Variants in SLC7A11 observed in about 807,000 individuals in gnomAD.
SLC7A11 encodes the protein cystine/glutamate transporter.
Under a neutral mutation model 54.5 loss-of-function variants are expected in SLC7A11, and 35 were observed. That is an observed-to-expected ratio of 0.64 (90% CI 0.49 to 0.85). SLC7A11 has a LOEUF of 0.85. Ranked by LOEUF, SLC7A11 falls within the 40% of genes least tolerant of loss-of-function variation. The pLI is 0.00. For missense variants in SLC7A11, 583 were observed against 618.1 expected, an observed-to-expected ratio of 0.94 and a Z score of 0.60; for synonymous variants, 230 against 225.2, an observed-to-expected ratio of 1.02 and a Z score of -0.19.
intron 4 of SLC7A11, among the ~76,000 whole-genome samples, chr4:138,222,721 G>A (rs1055249782): frequency 6.6e-6 from 1 of 152,044 alleles, no homozygotes; most frequent in African/African-American, 2.4e-5. Context: ...TGCTGTTCCC[G>A]TATTGACTCC....
chr4:138,167,063 T>G lies in SLC7A11; in HGVS notation c.*4893A>C, dbSNP rs1476873843. On this transcript the variant is annotated 3_prime_UTR_variant, in exon 12 of 12. Coordinates refer to ENST00000280612, the MANE Select transcript of SLC7A11 (RefSeq NM_014331.4). ...ATAATTATCTCCCAAAATTGACTAT[T>G]AAAAAATAATTTTTAAGTACAGTAC... The G allele has an allele frequency of 6.7e-6, 1 of 150,138 alleles. No individual in the cohort carries two copies. The highest frequency in any genetic ancestry group is 1.5e-5 in the Non-Finnish European group (1 of 67,740). The allele number at this position is 150,138 out of a possible 1,614,324, so 9.3% of individuals were successfully genotyped here.
At chr4:138,190,093 T>C (rs1289151293) in intron 6 of SLC7A11, among the ~76,000 whole-genome samples, 2 of 152,180 alleles carry the variant, frequency 1.3e-5, no homozygotes, top group Non-Finnish European at 2.9e-5. Context: ...TCCCGGGGCA[T>C]CTAAGCTTGT....
chr4:138,227,824 C>T (rs777199798), intron 3 of SLC7A11, among the ~76,000 whole-genome samples: 2 of 152,040 alleles, frequency 1.3e-5, no homozygotes, highest in African/African-American at 2.4e-5. Context: ...TTTGTTTCCA[C>T]ATTTTGCATG....
chr4:138,172,387 C>A (rs967976356), intron 11 of SLC7A11, among the ~76,000 whole-genome samples: 1 of 152,192 alleles, frequency 6.6e-6, no homozygotes, highest in East Asian at 1.9e-4. Flanking sequence ...TATGAGATTA[C>A]AATCAGTTCC....
chr4:138,187,369 G>A (rs994202574), intron 6 of SLC7A11, among the ~76,000 whole-genome samples: 3 of 152,194 alleles, frequency 2.0e-5, no homozygotes, highest in Middle Eastern at 3.4e-3. Flanking sequence ...CTTTACATAC[G>A]TGTCTCCTTT....
At chr4:138,215,265 A>G (rs1034245104) in intron 5 of SLC7A11, among the ~76,000 whole-genome samples, 2 of 152,150 alleles carry the variant, frequency 1.3e-5, no homozygotes, top group Non-Finnish European at 2.9e-5. Context: ...ATTCAATATA[A>G]TCTTCCATTA....
intron 6 of SLC7A11, among the ~76,000 whole-genome samples, chr4:138,198,602 T>C (rs1194686873): frequency 2.0e-5 from 3 of 152,190 alleles, no homozygotes; most frequent in African/African-American, 7.2e-5. Flanking sequence ...GAAATTAATA[T>C]ATCCACTTTG....
At chr4:138,200,784 A>T (rs1224303182) in intron 6 of SLC7A11, among the ~76,000 whole-genome samples, 1 of 152,164 alleles carries the variant, frequency 6.6e-6, no homozygotes, top group Non-Finnish European at 1.5e-5. Flanking sequence ...GGTCAAATTA[A>T]TTGTGGTTTT....
At chr4:138,182,969 T>C (rs1406547330) in intron 8 of SLC7A11, among the ~76,000 whole-genome samples, 1 of 152,106 alleles carries the variant, frequency 6.6e-6, no homozygotes, top group East Asian at 1.9e-4. Flanking sequence ...GGAAATACTA[T>C]TTTTAAAAAA....
At position 138,219,340 on chromosome 4, in the gene SLC7A11, G is replaced by T. The variant is rs6838248; in HGVS notation, c.672C>A (p.Ala224=). The change falls in exon 5 of 12, where the codon GCC becomes GCA. Residue 224 remains alanine (A), a synonymous_variant. Transcript: ENST00000280612. ...TAATACTTGAATCTCTTCCTGAAAA[G>T]GCGTCTTTAAAGTTCTGCGTTTGAC... is the stretch of plus-strand genomic sequence containing the variant. ...IKGQTQNFKD[A]FSGRDSSITR... 1.8e-5 allele frequency: 29 copies of T among 1,605,314 alleles called. 1 individual carries two copies. The South Asian group carries it at 2.4e-4, about 13-fold the overall frequency.
In SLC7A11 at chr4:138,223,289, A is replaced by C; in HGVS notation, c.556T>G (p.Trp186Gly). The C allele has an allele frequency of 6.2e-7, 1 of 1,613,724 alleles. No homozygotes were observed. The highest frequency in any genetic ancestry group is 1.1e-5 in the South Asian group (1 of 91,078). ...AAGAAAATCTGGATCCGGGCGCTCC[A>C]GCTGACACTCATGCTATTTAGGACC... ...VMVLNSMSVS[W>G]SARIQIFLTF... Residue 186 changes from tryptophan (W) to glycine (G), a missense_variant, in exon 4 of 12, where the codon TGG becomes GGG. Trp to Gly is a radical substitution (Grantham distance 184). Coordinates refer to ENST00000280612, the MANE Select transcript of SLC7A11 (RefSeq NM_014331.4).
At chr4:138,218,335 A>G (rs77138059) in intron 5 of SLC7A11, among the ~76,000 whole-genome samples, 4 of 152,324 alleles carry the variant, frequency 2.6e-5, no homozygotes, top group South Asian at 2.1e-4. Flanking sequence ...CTGTATAACA[A>G]TGAGATTTAT....
At chr4:138,241,250 C>T (rs1738370275) in intron 1 of SLC7A11, among the ~76,000 whole-genome samples, 1 of 152,160 alleles carries the variant, frequency 6.6e-6, no homozygotes, top group Non-Finnish European at 1.5e-5. Context: ...TACATCTCTC[C>T]CATGTCAAGG....
intron 5 of SLC7A11, 90 bp downstream of exon 5, chr4:138,219,176 T>G (rs1182309258): frequency 1.4e-6 from 1 of 739,936 alleles, no homozygotes; most frequent in Non-Finnish European, 2.4e-6. Context: ...GCTATTCACA[T>G]TTGCCTGGCA....
intron 6 of SLC7A11, among the ~76,000 whole-genome samples, chr4:138,208,860 A>G (rs1002146092): frequency 9.2e-5 from 14 of 152,212 alleles, no homozygotes; most frequent in Admixed American, 7.9e-4. Context: ...CATAAATTCA[A>G]AGCTATTCTT....
At chr4:138,235,282 A>G (rs1738179051) in intron 2 of SLC7A11, among the ~76,000 whole-genome samples, 1 of 152,176 alleles carries the variant, frequency 6.6e-6, no homozygotes, top group African/African-American at 2.4e-5. Flanking sequence ...TTCCTGATAG[A>G]GGAATTTCAG....
At chr4:138,176,000 G>T (rs1578628147) in intron 11 of SLC7A11, 1 of 152,094 alleles carries the variant, frequency 6.6e-6, no homozygotes, top group East Asian at 1.9e-4. Context: ...AAGGCTCTTG[G>T]TCTCTAAGTT....
Position 138,167,527 on chromosome 4 carries a change from A to C in SLC7A11, c.*4429T>G, listed in dbSNP as rs1736299306. On this transcript the variant is annotated 3_prime_UTR_variant, in exon 12 of 12. Coordinates refer to ENST00000280612, the MANE Select transcript of SLC7A11 (RefSeq NM_014331.4). ...GAGATCACACTTTTAGATATTATCT[A>C]TTTTAACATAGATTAAAAATACTGT... is the stretch of plus-strand genomic sequence containing the variant. The C allele has an allele frequency of 6.6e-6, 1 of 152,180 alleles. No homozygotes were observed. Among genetic ancestry groups the C allele is most frequent in the Non-Finnish European group, 1.5e-5 (1 of 68,026 alleles). 9.4% of individuals were successfully genotyped at this position (152,180 alleles called of 1,614,324 possible).
intron 6 of SLC7A11, among the ~76,000 whole-genome samples, chr4:138,209,412 A>G (rs1737487198): frequency 6.6e-6 from 1 of 152,030 alleles, no homozygotes; most frequent in South Asian, 2.1e-4. Flanking sequence ...TTGAAGCTGT[A>G]TCTACCTAAA....
Sources: allele counts gnomAD v4.1 joint callset (sites outside exome capture counted in the v4.1 genomes callset), GRCh38; gene constraint gnomAD v4.1.1; transcripts MANE v1.5; gene names NCBI Gene and HGNC (gene_info 2026-07-23, HGNC 2026-07-21).